SCLT1: variants seen among roughly 807,000 people sequenced by gnomAD.
The protein encoded by SCLT1 is sodium channel-associated protein 1.
In SCLT1, 78 loss-of-function variants were observed where a neutral mutation model predicts 112.8. The ratio of observed to expected loss-of-function variants is 0.69; its 90% CI spans 0.58 to 0.83. SCLT1 has a LOEUF of 0.83. Among genes scored for constraint, SCLT1 ranks in the 40% least tolerant of loss-of-function variants. The pLI is 0.00. For missense variants in SCLT1, 747 were observed against 770.4 expected (o/e 0.97, Z 0.36); for synonymous variants, 257 against 254.7 (o/e 1.01, Z -0.09).
chr4:129,036,344 T>C (rs970945654), intron 5 of SCLT1, among the ~76,000 whole-genome samples: 1 of 152,006 alleles, frequency 6.6e-6, no homozygotes, highest in South Asian at 2.1e-4. Context: ...AGGAATAATA[T>C]AAAGTCCAAT....
At chr4:128,882,658 C>T (rs965703890), downstream of SCLT1, among the ~76,000 whole-genome samples, 1 of 152,096 alleles carries the variant, frequency 6.6e-6, no homozygotes, top group Non-Finnish European at 1.5e-5. Context: ...AGAGCTTGTA[C>T]TCTGTTGGGG....
intron 9 of SCLT1, among the ~76,000 whole-genome samples, chr4:128,973,647 T>C (rs1457378914): frequency 1.3e-5 from 2 of 152,180 alleles, no homozygotes; most frequent in Admixed American, 6.5e-5. Flanking sequence ...TGAACAATTA[T>C]TCCAAATATA....
chr4:128,900,342 G>T (rs1192312597), intron 18 of SCLT1, among the ~76,000 whole-genome samples: 8 of 152,156 alleles, frequency 5.3e-5, no homozygotes, highest in Middle Eastern at 3.4e-3. Flanking sequence ...CAGACCAATG[G>T]AACAGAACAC....
intron 2 of SCLT1, among the ~76,000 whole-genome samples, chr4:129,045,991 G>GA (rs2125702836): frequency 6.6e-6 from 1 of 152,148 alleles, no homozygotes; most frequent in East Asian, 1.9e-4. Context: ...GACATACCAT[G>GA]AAAGAGGCAT....
chr4:129,092,075 T>C (rs1338843785), intron 1 of SCLT1, among the ~76,000 whole-genome samples: 1 of 152,236 alleles, frequency 6.6e-6, no homozygotes, highest in East Asian at 1.9e-4. Flanking sequence ...CTAACTGCAC[T>C]CTGCTATAAT....
At chr4:129,039,198 A>T (rs760473499) in intron 4 of SCLT1, 102 bp from the exon 5 acceptor site, 22 of 680,102 alleles carry the variant, frequency 3.2e-5, no homozygotes, top group Non-Finnish European at 5.5e-5. Context: ...ACTAGTTTAC[A>T]GATAAGAAAG....
intron 1 of SCLT1, among the ~76,000 whole-genome samples, chr4:129,083,173 A>C (rs1752093472): frequency 7.4e-6 from 1 of 134,438 alleles, no homozygotes; most frequent in Non-Finnish European, 1.6e-5. Context: ...CCTGGGTGAC[A>C]GAGTGAGACT....
chr4:129,004,476 A>T (rs1000923619), intron 5 of SCLT1, among the ~76,000 whole-genome samples: 4 of 152,086 alleles, frequency 2.6e-5, no homozygotes, highest in Non-Finnish European at 5.9e-5. Context: ...ATTAAGGTAA[A>T]TTACAGATAT....
intron 18 of SCLT1, among the ~76,000 whole-genome samples, chr4:128,936,025 C>T (rs1322881567): frequency 1.3e-5 from 2 of 152,132 alleles, no homozygotes; most frequent in Non-Finnish European, 2.9e-5. Context: ...CCCTTTATAA[C>T]CTAGTTTAAG....
Position 128,965,237 on chromosome 4 carries a change from A to G in SCLT1, c.859T>C (p.Leu287=), listed in dbSNP as rs1347490360. The G allele has an allele frequency of 6.4e-7, 1 of 1,574,796 alleles. No individual in the cohort carries two copies. Among genetic ancestry groups the G allele is most frequent in the Admixed American group, 1.7e-5 (1 of 58,844 alleles). ...CATTTAACAATTTACCTTATTTCTA[A>G]TTGTTTTATACTAGACTGTAACTGC... ...LQQLQSSIKQ[L]EIRLCVTIQE... is the part of the protein sequence containing the mutation. The change falls in exon 11 of 21, where the codon TTA becomes CTA. Residue 287 remains leucine (L), a synonymous_variant. Coordinates refer to ENST00000281142, the MANE Select transcript of SCLT1 (RefSeq NM_144643.4).
In SCLT1 at chr4:129,022,076, C is replaced by T. The variant is rs181611935; in HGVS notation, c.290+16965G>A. On this transcript the variant is annotated intron_variant, in intron 5 of 20. Transcript: ENST00000281142. ...GAAGAGGGGCCTGTTAGAAGAAAAA[C>T]TAACAAACAGAAAGCAACAACATCA... is the stretch of plus-strand genomic sequence containing the variant. Among the ~76,000 whole-genome samples, 830 of 152,278 alleles carry T rather than the reference C, an allele frequency of 5.5e-3. 2 individuals are homozygous for T. The highest frequency in any genetic ancestry group is 0.014 in the Middle Eastern group (4 of 294).
intron 18 of SCLT1, among the ~76,000 whole-genome samples, chr4:128,928,093 T>C (rs1286397001): frequency 1.3e-5 from 2 of 152,092 alleles, no homozygotes; most frequent in Non-Finnish European, 2.9e-5. Flanking sequence ...GAAATTTTGA[T>C]TGACTCAACG....
chr4:128,874,414 C>T (rs779858175), intron 5 of SCLT1: 1 of 152,388 alleles, frequency 6.6e-6, no homozygotes, highest in Admixed American at 6.6e-5. Context: ...TAATGCCTTA[C>T]CTGTTTTTTC....
At chr4:129,003,352 G>A (rs1380183474) in intron 6 of SCLT1, among the ~76,000 whole-genome samples, 1 of 150,958 alleles carries the variant, frequency 6.6e-6, no homozygotes, top group African/African-American at 2.4e-5. Context: ...GTTGATGGGT[G>A]CAGCAAACCA....
At chr4:129,015,633 C>T (rs966245644) in intron 5 of SCLT1, among the ~76,000 whole-genome samples, 7 of 152,294 alleles carry the variant, frequency 4.6e-5, no homozygotes, top group East Asian at 1.9e-4. Flanking sequence ...CATGAGCTGG[C>T]TTGCTGCCCC....
At chr4:129,039,900 G>GCACACACACACA (rs36041794) in intron 4 of SCLT1, 23 of 219,026 alleles carry the variant, frequency 1.1e-4, no homozygotes, top group East Asian at 9.6e-4. Flanking sequence ...GTGCGCGCGC[G>GCACACACACACA]CACACACACA....
At chr4:129,065,755 A>G (rs1253244125) in intron 2 of SCLT1, among the ~76,000 whole-genome samples, 1 of 152,122 alleles carries the variant, frequency 6.6e-6, no homozygotes, top group East Asian at 1.9e-4. Context: ...ATCCTGCAAG[A>G]GTGTACTAAG....
chr4:128,936,499 CATA>C (rs760411959), intron 18 of SCLT1, among the ~76,000 whole-genome samples, 153 bp downstream of exon 18: 1 of 152,004 alleles, frequency 6.6e-6, no homozygotes, highest in Non-Finnish European at 1.5e-5. Context: ...TGGTTTATGA[CATA>C]ATATTTTTAT....
intron 2 of SCLT1, among the ~76,000 whole-genome samples, chr4:129,077,309 T>C (rs1751550735): frequency 6.6e-6 from 1 of 152,160 alleles, no homozygotes; most frequent in Non-Finnish European, 1.5e-5. Context: ...GTTTTTCCAA[T>C]ATCATAAAAA....
Sources: allele counts gnomAD v4.1 joint callset (sites outside exome capture counted in the v4.1 genomes callset), GRCh38; gene constraint gnomAD v4.1.1; transcripts MANE v1.5; gene names NCBI Gene and HGNC (gene_info 2026-07-23, HGNC 2026-07-21).